RARB: variants seen among roughly 807,000 people sequenced by gnomAD.
The protein encoded by RARB is HBV-activated protein.
In RARB, 17 loss-of-function variants were observed where a neutral mutation model predicts 51.9. The observed-to-expected ratio is 0.33, with a 90% CI of 0.22 to 0.49. The LOEUF (loss-of-function observed/expected upper bound fraction) is 0.49, where lower values mean the gene tolerates loss of function less well. Among genes scored for constraint, RARB ranks in the 20% least tolerant of loss-of-function variants. RARB has a pLI of 0.99. For synonymous variants in RARB, 215 were observed against 195.4 expected (o/e 1.10, Z -0.84); for missense variants, 369 against 550.8 (o/e 0.67, Z 3.30).
chr3:24,901,827 T>C (rs556589911), intron 2 of RARB, among the ~76,000 whole-genome samples: 2 of 152,112 alleles, frequency 1.3e-5, no homozygotes, highest in African/African-American at 4.8e-5. Flanking sequence ...TAGGCCGTTA[T>C]GTAGGGCCAA....
chr3:24,977,939 G>A (rs1407712173), intron 2 of RARB, among the ~76,000 whole-genome samples: 2 of 152,086 alleles, frequency 1.3e-5, no homozygotes, highest in Non-Finnish European at 2.9e-5. Flanking sequence ...TCAGTACCTA[G>A]TTTATTGAGA....
intron 5 of RARB, among the ~76,000 whole-genome samples, chr3:25,188,090 A>G (rs547581732): frequency 2.2e-4 from 34 of 152,240 alleles, no homozygotes; most frequent in African/African-American, 7.9e-4. Context: ...TATCAAGACA[A>G]TATTCTTACA....
At chr3:25,148,446 A>G (rs923183104) in intron 4 of RARB, among the ~76,000 whole-genome samples, 16 of 152,366 alleles carry the variant, frequency 1.1e-4, no homozygotes, top group African/African-American at 3.8e-4. Flanking sequence ...CAGTGAATGT[A>G]TATCAGTAAG....
At chr3:25,333,864 A>G (rs9874712) in intron 5 of RARB, among the ~76,000 whole-genome samples, 20,860 of 152,182 alleles carry the variant, frequency 0.14, 1,572 homozygotes, top group South Asian at 0.19. Flanking sequence ...CAAAGTGGGC[A>G]AAGGACATGA....
rs1699745289 is a variant in RARB, at chr3:25,119,559, C to T, written c.-327-12602C>T. ...TGCACCCTGACCCCCATCCATCTTTCAAATGCAGGGTGCAGCACAGGACAG... is the reference window on the plus strand; with the variant it reads ...TGCACCCTGACCCCCATCCATCTTTTAAATGCAGGGTGCAGCACAGGACAG... On this transcript the variant is annotated intron_variant, in intron 3 of 11. Transcript: ENST00000383772. 2.0e-5 allele frequency among the ~76,000 whole-genome samples: 3 copies of T among 151,648 alleles called. 1 individual carries two copies. In the South Asian group the frequency reaches 6.2e-4, roughly 32 times the overall value.
chr3:25,504,318 T>C (rs1697460495), intron 3 of RARB, among the ~76,000 whole-genome samples: 1 of 152,146 alleles, frequency 6.6e-6, no homozygotes, highest in African/African-American at 2.4e-5. Flanking sequence ...TGTTAATCTA[T>C]TGACCCAGCA....
At chr3:25,110,609 T>C (rs1202305019) in intron 3 of RARB, among the ~76,000 whole-genome samples, 1 of 152,194 alleles carries the variant, frequency 6.6e-6, no homozygotes, top group Non-Finnish European at 1.5e-5. Flanking sequence ...ATAACTTTAG[T>C]TTAGTCCTGT....
chr3:25,509,067 C>G (rs1314270136), intron 3 of RARB, among the ~76,000 whole-genome samples: 1 of 152,142 alleles, frequency 6.6e-6, no homozygotes, highest in Non-Finnish European at 1.5e-5. Flanking sequence ...TCAGTACATT[C>G]TCACCTTAGA....
At chr3:24,932,552 G>A (rs915848177) in intron 2 of RARB, among the ~76,000 whole-genome samples, 4 of 151,930 alleles carry the variant, frequency 2.6e-5, no homozygotes, top group African/African-American at 2.4e-5. Flanking sequence ...ACATACCTAC[G>A]GCTATATATT....
intron 3 of RARB, among the ~76,000 whole-genome samples, chr3:25,083,020 T>G (rs1425635995): frequency 6.6e-6 from 1 of 152,076 alleles, no homozygotes; most frequent in Non-Finnish European, 1.5e-5. Context: ...GTATTATTGC[T>G]AATAAACACC....
intron 2 of RARB, among the ~76,000 whole-genome samples, chr3:24,893,838 T>G (rs955469244): frequency 1.3e-5 from 2 of 152,208 alleles, no homozygotes; most frequent in Non-Finnish European, 2.9e-5. Context: ...AAATTGTTTT[T>G]ATGGATGTAA....
chr3:24,954,978 C>G (rs1243239974), intron 2 of RARB, among the ~76,000 whole-genome samples: 1 of 152,088 alleles, frequency 6.6e-6, no homozygotes, highest in Non-Finnish European at 1.5e-5. Context: ...CAGTTGCTGT[C>G]CATGGACTGC....
intron 5 of RARB, among the ~76,000 whole-genome samples, chr3:25,339,537 C>G (rs1383995320): frequency 6.6e-6 from 1 of 151,572 alleles, no homozygotes; most frequent in Non-Finnish European, 1.5e-5. Context: ...AATCGCAAAT[C>G]GTTTGTTTCT....
chr3:25,453,399 C>T lies in RARB; in HGVS notation c.158-7794C>T, dbSNP rs556036388. Among the ~76,000 whole-genome samples the T allele has an allele frequency of 1.5e-4, 23 of 152,176 alleles. No homozygotes were observed. The South Asian group carries it at 2.5e-3, about 17-fold the overall frequency. On this transcript the variant is annotated intron_variant, in intron 1 of 7. Coordinates refer to ENST00000330688, the MANE Select transcript of RARB (RefSeq NM_000965.5). ...AGTAGCTGGGATTACAGGCATGCAT[C>T]ATCACGCCTAGCTAATTTTGTATTT...
At chr3:25,377,328 A>C (rs935141605) in intron 5 of RARB, among the ~76,000 whole-genome samples, 1 of 152,182 alleles carries the variant, frequency 6.6e-6, no homozygotes, top group Admixed American at 6.5e-5. Context: ...AGAACTGTGC[A>C]TTGCTTTTGT....
At chr3:25,398,405 T>C (rs971857681) in intron 5 of RARB, among the ~76,000 whole-genome samples, 5 of 152,142 alleles carry the variant, frequency 3.3e-5, no homozygotes, top group Middle Eastern at 3.2e-3. Flanking sequence ...ATTTAATATA[T>C]CAGCTTTCAC....
At chr3:25,440,699 G>A (rs925657774) in intron 1 of RARB, among the ~76,000 whole-genome samples, 3 of 151,990 alleles carry the variant, frequency 2.0e-5, no homozygotes, top group African/African-American at 7.3e-5. Flanking sequence ...CTTGAACCGG[G>A]GAGGCGGAGG....
At chr3:24,914,911 C>T (rs994778021) in intron 2 of RARB, among the ~76,000 whole-genome samples, 14 of 152,198 alleles carry the variant, frequency 9.2e-5, no homozygotes, top group African/African-American at 3.1e-4. Flanking sequence ...TCACTGTGAC[C>T]TGTTTGGATT....
At chr3:25,197,127 C>T (rs1413039347) in intron 5 of RARB, among the ~76,000 whole-genome samples, 1 of 152,082 alleles carries the variant, frequency 6.6e-6, no homozygotes, top group African/African-American at 2.4e-5. Flanking sequence ...GTGTTTTAGA[C>T]ATGAAGTCCT....
Sources: gnomAD v4.1 joint callset for allele counts (sites outside exome capture counted in the v4.1 genomes callset) on GRCh38, gnomAD v4.1.1 for gene constraint, MANE v1.5 for transcripts, NCBI Gene and HGNC (gene_info 2026-07-23, HGNC 2026-07-21) for gene names.